Variants in MCHR2 observed in about 807,000 individuals in gnomAD.
MCHR2 encodes the protein melanin concentrating hormone receptor 2.
MCHR2 carries 15 observed loss-of-function variants against 24.8 expected under a neutral mutation model. That is an observed-to-expected ratio of 0.60 (90% CI 0.40 to 0.93). The LOEUF (loss-of-function observed/expected upper bound fraction) is 0.93. Ranked by LOEUF, MCHR2 falls within the 40% of genes least tolerant of loss-of-function variation. The probability of loss-of-function intolerance (pLI) is 0.00; values close to 1 mark genes in which losing one functional copy is unlikely to be tolerated. For synonymous variants in MCHR2, 151 were observed against 147.6 expected (o/e 1.02, Z -0.17); for missense variants, 386 against 408.7 (o/e 0.94, Z 0.48).
chr6:99,944,031 G>C (rs1479445836), intron 3 of MCHR2, among the ~76,000 whole-genome samples: 1 of 152,190 alleles, frequency 6.6e-6, no homozygotes, highest in Admixed American at 6.5e-5. Context: ...GGCTCATGGA[G>C]TTTCAGCTCA....
At chr6:99,959,832 A>T (rs1775142106) in intron 1 of MCHR2, among the ~76,000 whole-genome samples, 1 of 148,934 alleles carries the variant, frequency 6.7e-6, no homozygotes, top group South Asian at 2.1e-4. Flanking sequence ...AATAATAATA[A>T]TGATAATAAT....
intron 4 of MCHR2, among the ~76,000 whole-genome samples, chr6:99,939,947 T>A (rs1275619888): frequency 2.0e-5 from 3 of 148,280 alleles, no homozygotes; most frequent in Non-Finnish European, 3.0e-5. Context: ...TAGTAAGAAG[T>A]CCATTTCCAG....
At position 99,947,941 on chromosome 6, in the gene MCHR2, A is replaced by G; in HGVS notation, c.213T>C (p.Tyr71=). ...AATCAGCCACAGCCAGGTTGCAGAT[A>G]TAGATGTCAGGGACTGTTTTTTTCC... The part of the protein sequence containing the change: ...RSRKKTVPDI[Y]ICNLAVADLV... Residue 71 remains tyrosine, a synonymous_variant, in exon 3 of 6, where the codon TAT becomes TAC. Transcript: ENST00000281806. 6.2e-7 allele frequency: 1 copy of G among 1,613,692 alleles called. No individual in the cohort carries two copies. The highest frequency in any genetic ancestry group is 8.5e-7 in the Non-Finnish European group (1 of 1,179,730).
chr6:99,954,026 T>C (rs771622740), intron 2 of MCHR2, among the ~76,000 whole-genome samples: 1 of 152,078 alleles, frequency 6.6e-6, no homozygotes, highest in East Asian at 1.9e-4. Context: ...CGGGGTGACC[T>C]TCTCACATGA....
intron 3 of MCHR2, among the ~76,000 whole-genome samples, chr6:99,946,998 G>T (rs1774884182): frequency 6.6e-6 from 1 of 152,032 alleles, no homozygotes; most frequent in African/African-American, 2.4e-5. Context: ...ACAACTATCT[G>T]CCATCTCTAG....
In MCHR2 at chr6:99,958,941, C is replaced by T. The variant is rs1016549431; in HGVS notation, c.-27-2767G>A. On this transcript the variant is annotated intron_variant, in intron 1 of 5. Transcript: ENST00000281806. The stretch of plus-strand genomic sequence containing the variant: ...ATGGCATATTCTGGATACCTGGGGG[C>T]TCCTTAGAACAAAAGAGCTGGGCAG... 3.9e-5 allele frequency among the ~76,000 whole-genome samples: 6 copies of T among 152,150 alleles called. No individual in the cohort carries two copies. In the East Asian group the frequency reaches 5.8e-4, roughly 15 times the overall value.
At chr6:99,933,104 G>T (rs945045224) in intron 5 of MCHR2, among the ~76,000 whole-genome samples, 1 of 151,896 alleles carries the variant, frequency 6.6e-6, no homozygotes, top group African/African-American at 2.4e-5. Context: ...TCATATTTAG[G>T]CGTTTAATGG....
At chr6:99,974,952 A>G (rs1775516725) in intron 1 of MCHR2, among the ~76,000 whole-genome samples, 1 of 152,134 alleles carries the variant, frequency 6.6e-6, no homozygotes, top group Admixed American at 6.5e-5. Context: ...TCAGAGGAGT[A>G]CCTGGCCATG....
rs148533277 is a variant in MCHR2, at chr6:99,930,674, T to C, written c.707+3724A>G. 2.1e-3 allele frequency among the ~76,000 whole-genome samples: 317 copies of C among 152,358 alleles called. 6 individuals are homozygous for C. In the East Asian group the frequency reaches 0.041, roughly 20 times the overall value. Reference sequence around the variant, plus strand: ...CATTCTTCACGTAGTTTTTGAGCCTTGGCTCTCAGCTCCATCAGCTCCTTT... The same window carrying C: ...CATTCTTCACGTAGTTTTTGAGCCTCGGCTCTCAGCTCCATCAGCTCCTTT... On this transcript the variant is annotated intron_variant, in intron 5 of 5. Transcript: ENST00000281806.
intron 1 of MCHR2, among the ~76,000 whole-genome samples, 186 bp downstream of exon 1, chr6:99,993,750 G>A (rs1775932413): frequency 6.6e-6 from 1 of 152,078 alleles, no homozygotes; most frequent in African/African-American, 2.4e-5. Context: ...CCTCCACAGA[G>A]CCAAACTTTG....
intron 5 of MCHR2, among the ~76,000 whole-genome samples, chr6:99,930,690 C>A (rs1774500816): frequency 6.6e-6 from 1 of 152,204 alleles, no homozygotes; most frequent in Non-Finnish European, 1.5e-5. Context: ...TCAGCTCCAT[C>A]AGCTCCTTTA....
At chr6:99,975,473 A>G (rs1001727296) in intron 1 of MCHR2, among the ~76,000 whole-genome samples, 9 of 152,104 alleles carry the variant, frequency 5.9e-5, no homozygotes, top group African/African-American at 1.7e-4. Context: ...ATCGTCTGTC[A>G]CCCCTTTCTT....
intron 5 of MCHR2, among the ~76,000 whole-genome samples, chr6:99,931,336 T>C (rs1205718608): frequency 6.6e-6 from 1 of 152,206 alleles, no homozygotes; most frequent in East Asian, 1.9e-4. Flanking sequence ...GATCTCCAGC[T>C]GTGTGCTGGG....
intron 1 of MCHR2, among the ~76,000 whole-genome samples, chr6:99,991,725 A>T (rs2397689): frequency 0.6 from 90,354 of 149,842 alleles, 27,319 homozygotes; most frequent in Middle Eastern, 0.66. Context: ...GAGAATGGCG[A>T]GAACCCGGGA....
chr6:99,962,647 G>A (rs568803828), intron 1 of MCHR2, among the ~76,000 whole-genome samples: 6 of 152,172 alleles, frequency 3.9e-5, no homozygotes, highest in East Asian at 1.9e-4. Flanking sequence ...AAAACTCCTC[G>A]AAGAAAACAT....
chr6:99,938,271 T>C (rs1774704886), intron 4 of MCHR2, among the ~76,000 whole-genome samples: 1 of 152,166 alleles, frequency 6.6e-6, no homozygotes, highest in African/African-American at 2.4e-5. Context: ...TTCTAATTCT[T>C]TGAGGTACAT....
chr6:99,964,266 A>G (rs1402299436), intron 1 of MCHR2, among the ~76,000 whole-genome samples: 1 of 152,166 alleles, frequency 6.6e-6, no homozygotes. Context: ...CTTAGGTAGG[A>G]TATACCTAAA....
chr6:99,936,323 A>T (rs920678678), intron 4 of MCHR2, among the ~76,000 whole-genome samples: 1 of 151,900 alleles, frequency 6.6e-6, no homozygotes, highest in Non-Finnish European at 1.5e-5. Context: ...TGTAGTTTTC[A>T]TAGGTTCAAG....
chr6:99,934,273 C>T (rs1461921413), intron 5 of MCHR2, 125 bp downstream of exon 5: 1 of 982,250 alleles, frequency 1.0e-6, no homozygotes, highest in Non-Finnish European at 1.4e-6. Flanking sequence ...TTTCTATAGA[C>T]ATATATCAAT....
Sources: allele counts gnomAD v4.1 joint callset (sites outside exome capture counted in the v4.1 genomes callset), GRCh38; gene constraint gnomAD v4.1.1; transcripts MANE v1.5; gene names NCBI Gene and HGNC (gene_info 2026-07-23, HGNC 2026-07-21).